Variants in ABCA7 observed in about 807,000 individuals in gnomAD.
ABCA7 encodes the protein phospholipid-transporting ATPase ABCA7.
Under a neutral mutation model 227.6 loss-of-function variants are expected in ABCA7, and 261 were observed. That is an observed-to-expected ratio of 1.15 (90% CI 1.04 to 1.27). The LOEUF (loss-of-function observed/expected upper bound fraction) is 1.27, where lower values mean the gene tolerates loss of function less well. Among genes scored for constraint, ABCA7 ranks in the 50% most tolerant of loss-of-function variants. The pLI is 0.00. For synonymous variants in ABCA7, 1,488 were observed against 1,279.7 expected, an observed-to-expected ratio of 1.16 and a Z score of -3.47; for missense variants, 3,331 against 2,924.5, an observed-to-expected ratio of 1.14 and a Z score of -3.21.
At position 1,042,108 on chromosome 19, in the gene ABCA7, C is replaced by T. The variant is rs1234880626; in HGVS notation, c.347C>T (p.Ala116Val). ...GATGCCCGCACTGTGCTGGGAGGGGCCAGTGCCCACAGGACGCTGGCTGGC... is the reference window on the plus strand; with the variant it reads ...GATGCCCGCACTGTGCTGGGAGGGGTCAGTGCCCACAGGACGCTGGCTGGC... Reference protein sequence around the residue: ...LADARTVLGGASAHRTLAGLG... With the variant: ...LADARTVLGGVSAHRTLAGLG... Residue 116 changes from alanine to valine, a missense_variant, in exon 5 of 47, where the codon GCC (alanine) becomes GTC (valine). Ala to Val is a moderately conservative substitution (Grantham distance 64, BLOSUM62 0). Coordinates refer to ENST00000263094, the MANE Select transcript of ABCA7 (RefSeq NM_019112.4). The T allele has an allele frequency of 6.3e-7, 1 of 1,598,676 alleles. No individual in the cohort carries two copies. The highest frequency in any genetic ancestry group is 1.7e-5 in the Admixed American group (1 of 59,680).
intron 21 of ABCA7, 40 bp downstream of exon 21, chr19:1,051,626 T>G: frequency 6.3e-7 from 1 of 1,582,818 alleles, no homozygotes; most frequent in Non-Finnish European, 8.6e-7. Context: ...CAGAAAAGGC[T>G]TCTGACAAGG....
rs1293463217 is a variant in ABCA7 at position 1,052,099 on chromosome 19, C to T, written c.3120C>T (p.Ala1040=). ...GSGYYLTLVK[A]RLPLTTNEKA... ...GCTACTACCTGACGCTGGTGAAGGC[C>T]CGCCTGCCCCTGACCACCAATGAGA... Residue 1040 remains alanine (A), a synonymous_variant, in exon 22 of 47, where the codon GCC becomes GCT. Transcript: ENST00000263094. The T allele has an allele frequency of 6.2e-7, 1 of 1,612,124 alleles. No homozygotes were observed. Among genetic ancestry groups the T allele is most frequent in the African/African-American group, 1.3e-5 (1 of 74,790 alleles).
chr19:1,042,487 C>T (rs773985012), intron 6 of ABCA7, 90 bp downstream of exon 6: 15 of 1,487,994 alleles, frequency 1.0e-5, no homozygotes, highest in Middle Eastern at 1.7e-4. Context: ...AAGGACCTCC[C>T]GTTCCAGGCA....
At chr19:1,048,208 A>T (rs1050391968) in intron 16 of ABCA7, among the ~76,000 whole-genome samples, 3 of 146,508 alleles carry the variant, frequency 2.0e-5, no homozygotes, top group African/African-American at 7.6e-5. Flanking sequence ...AAAAAAAAAA[A>T]AAAAGCTGGC....
In ABCA7 at chr19:1,064,979, C is replaced by G. The variant is rs768655440; in HGVS notation, c.6093C>G (p.Ser2031=). Reference sequence around the variant, plus strand: ...CCCTGCGGGTGCCCGCCGCAAGGTCCCAGCCGGCAGCGGCCTTCGTGGCGG... The same window carrying G: ...CCCTGCGGGTGCCCGCCGCAAGGTCGCAGCCGGCAGCGGCCTTCGTGGCGG... The part of the protein sequence containing the change: ...TLTLRVPAAR[S]QPAAAFVAAE... Residue 2031 remains serine, a synonymous_variant, in exon 46 of 47, where the codon TCC becomes TCG. Coordinates refer to ENST00000263094, the MANE Select transcript of ABCA7 (RefSeq NM_019112.4). 1.1e-5 allele frequency: 17 copies of G among 1,554,468 alleles called. No individual in the cohort carries two copies. The highest frequency in any genetic ancestry group is 1.8e-4 in the Middle Eastern group (1 of 5,520).
intron 1 of ABCA7, among the ~76,000 whole-genome samples, chr19:1,040,501 T>C (rs1011532014): frequency 6.6e-6 from 1 of 152,094 alleles, no homozygotes; most frequent in African/African-American, 2.4e-5. Context: ...TCCCGCTTGA[T>C]GTAAAGGAAA....
chr19:1,057,459 C>T (rs746884858), intron 35 of ABCA7, 30 bp downstream of exon 35: 3 of 1,579,520 alleles, frequency 1.9e-6, no homozygotes. Context: ...AGGGCCTATT[C>T]TTACTGACCC....
In ABCA7 at chr19:1,049,259, T is replaced by C. The variant is rs756691983; in HGVS notation, c.2381-7T>C. On this transcript the variant is annotated splice_polypyrimidine_tract_variant and splice_region_variant and intron_variant, in intron 17 of 46. Transcript: ENST00000263094. ...CCTCCATGGCTGAGTCCACCCCATC[T>C]CTGCAGTGCTGGTAGAAGAGGCACC... The C allele has an allele frequency of 1.1e-5, 18 of 1,590,502 alleles. No individual in the cohort carries two copies. In the East Asian group the frequency reaches 3.8e-4, roughly 34 times the overall value.
At position 1,051,050 on chromosome 19, in the gene ABCA7, CAT is replaced by C. The variant is rs771758288; in HGVS notation, c.2683_2684del (p.Met895AlafsTer105). ...VCPQYNVLFD[M>X]LTVDEHVWFY... ...GTCCTCAGTACAACGTGCTGTTTGA[CAT>C]GTGCGTCTCGGCAGGCCCAGAGTGC... On this transcript the variant is annotated frameshift_variant and splice_region_variant, in exon 19 of 47. Transcript: ENST00000263094. LOFTEE classifies it high-confidence loss of function. 1.9e-6 allele frequency: 3 copies of C among 1,611,212 alleles called. No homozygotes were observed. The Admixed American group carries it at 5.0e-5, about 27-fold the overall frequency.
chr19:1,058,686 C>T lies in ABCA7; in HGVS notation c.5218C>T (p.Gln1740Ter), dbSNP rs146448899. The T allele has an allele frequency of 7.1e-5, 115 of 1,613,886 alleles. No homozygotes were observed. The highest frequency in any genetic ancestry group is 9.0e-5 in the Non-Finnish European group (106 of 1,180,020). The change falls in exon 38 of 47, where the codon CAG (glutamine) becomes TAG (stop). Residue 1740 changes from glutamine (Q) to a stop codon, truncating the protein, a stop_gained. Transcript: ENST00000263094. LOFTEE classifies it high-confidence loss of function. ...VGKNLLAMVI[Q>*]GPLFLLFTLL... ...CAAGAACCTCTTGGCCATGGTGATA[C>T]AGGGGCCCCTCTTCCTTCTCTTCAC...
intron 13 of ABCA7, 109 bp downstream of exon 13, chr19:1,046,515 T>C: frequency 7.0e-7 from 1 of 1,437,832 alleles, no homozygotes; most frequent in South Asian, 1.4e-5. Context: ...CTGCGAACTT[T>C]GCACCTTTAC....
chr19:1,045,109 GGGACCTGA>G lies in ABCA7; in HGVS notation c.1328_1335del (p.Pro443LeufsTer26). On this transcript the variant is annotated frameshift_variant, in exon 12 of 47. Transcript: ENST00000263094. LOFTEE classifies it high-confidence loss of function. ...GATTCTGGGCCGGCGTCGTCTTCTT[GGGACCTGA>G]GGACTCTTCAGACCCCACAGAGCAC... The G allele has an allele frequency of 6.2e-7, 1 of 1,612,980 alleles. No individual in the cohort carries two copies. The highest frequency in any genetic ancestry group is 1.3e-5 in the African/African-American group (1 of 75,016).
intron 18 of ABCA7, among the ~76,000 whole-genome samples, chr19:1,050,607 G>A (rs1298737146): frequency 1.3e-5 from 2 of 150,258 alleles, no homozygotes; most frequent in Admixed American, 6.6e-5. Context: ...GTGAAACCCC[G>A]TCTCTACTAA....
chr19:1,046,504 G>C, intron 13 of ABCA7, 98 bp downstream of exon 13: 3 of 1,478,430 alleles, frequency 2.0e-6, no homozygotes, highest in Non-Finnish European at 2.7e-6. Context: ...TGCGGTCCAG[G>C]CTGCGAACTT....
At position 1,046,978 on chromosome 19, in the gene ABCA7, T is replaced by A; in HGVS notation, c.1799T>A (p.Leu600His). The A allele has an allele frequency of 6.3e-7, 1 of 1,583,282 alleles. No homozygotes were observed. Among genetic ancestry groups the A allele is most frequent in the Non-Finnish European group, 8.6e-7 (1 of 1,168,330 alleles). The change falls in exon 14 of 47, where the codon CTC (leucine) becomes CAC (histidine). Residue 600 changes from leucine to histidine, a missense_variant. By Grantham distance (99) the Leu-to-His change is moderately conservative. Coordinates refer to ENST00000263094, the MANE Select transcript of ABCA7 (RefSeq NM_019112.4). ...TGGCTAGGCTGGTTCCTCAGCTGCC[T>A]CGGGCCCTTCCTGCTCAGCGCCGCA... is the stretch of plus-strand genomic sequence containing the variant. ...VLWLGWFLSC[L>H]GPFLLSAALL...
In ABCA7 at chr19:1,051,487, G is replaced by A. The variant is rs757444262; in HGVS notation, c.2863G>A (p.Val955Met). Reference sequence around the variant, plus strand: ...GAAGCTGTCCGTGGCCATTGCCTTTGTGGGCGGCTCCCAAGTTGTTATCCT... The same window carrying A: ...GAAGCTGTCCGTGGCCATTGCCTTTATGGGCGGCTCCCAAGTTGTTATCCT... Reference protein sequence around the residue: ...QRKLSVAIAFVGGSQVVILDE... With the variant: ...QRKLSVAIAFMGGSQVVILDE... The change falls in exon 21 of 47, where the codon GTG (valine) becomes ATG (methionine). Residue 955 changes from valine (V) to methionine (M), a missense_variant. Physicochemically the swap from Val to Met is conservative, Grantham distance 21. Transcript: ENST00000263094. 1.1e-5 allele frequency: 18 copies of A among 1,607,404 alleles called. No homozygotes were observed. The highest frequency in any genetic ancestry group is 2.7e-5 in the African/African-American group (2 of 74,232).
Position 1,043,719 on chromosome 19 carries a change from C to T in ABCA7, c.931-6C>T. ...GGGTCATCAGTGGAGGGGGTGCTGT[C>T]CACAGGTGAACCGGACCTTCGAGGA... On this transcript the variant is annotated splice_polypyrimidine_tract_variant and splice_region_variant and intron_variant, in intron 9 of 46. Transcript: ENST00000263094. 4 of 1,611,840 alleles carry T rather than the reference C, an allele frequency of 2.5e-6. No homozygotes were observed. Among genetic ancestry groups the T allele is most frequent in the Non-Finnish European group, 3.4e-6 (4 of 1,179,738 alleles).
chr19:1,042,494 G>A, intron 6 of ABCA7, 97 bp downstream of exon 6: 1 of 1,447,486 alleles, frequency 6.9e-7, no homozygotes. Flanking sequence ...TCCCGTTCCA[G>A]GCATCCAGGC....
Position 1,046,830 on chromosome 19 carries a change from C to T in ABCA7, c.1651C>T (p.Pro551Ser). The part of the protein sequence containing the change: ...VFLRVLSRSL[P>S]LFLTLAWIYS... ...CCTGCGTGTGCTGAGCCGGTCGCTG[C>T]CGCTCTTCCTGACGCTGGCCTGGAT... is the stretch of plus-strand genomic sequence containing the variant. Residue 551 changes from proline (P) to serine (S), a missense_variant, in exon 14 of 47, where the codon CCG becomes TCG. Coordinates refer to ENST00000263094, the MANE Select transcript of ABCA7 (RefSeq NM_019112.4). 6.5e-7 allele frequency: 1 copy of T among 1,539,728 alleles called. No homozygotes were observed. Among genetic ancestry groups the T allele is most frequent in the Non-Finnish European group, 8.7e-7 (1 of 1,147,504 alleles).
Sources: gnomAD v4.1 joint callset for allele counts (sites outside exome capture counted in the v4.1 genomes callset) on GRCh38, gnomAD v4.1.1 for gene constraint, MANE v1.5 for transcripts, NCBI Gene and HGNC (gene_info 2026-07-23, HGNC 2026-07-21) for gene names.